Variants in C1orf21 observed in about 807,000 individuals in gnomAD.
The protein encoded by C1orf21 is uncharacterized protein C1orf21.
C1orf21 carries 3 observed loss-of-function variants against 18.7 expected under a neutral mutation model. The observed-to-expected ratio is 0.16, with a 90% CI of 0.07 to 0.42. C1orf21 has a LOEUF of 0.42. C1orf21 is among the 10% of genes least tolerant of loss of function. C1orf21 has a pLI of 0.99. For synonymous variants in C1orf21, 41 were observed against 46.4 expected, an observed-to-expected ratio of 0.88 and a Z score of 0.47; for missense variants, 104 against 143.6, an observed-to-expected ratio of 0.72 and a Z score of 1.41.
chr1:184,401,765 G>T, intron 1 of C1orf21, among the ~76,000 whole-genome samples: 1 of 145,320 alleles, frequency 6.9e-6, no homozygotes. Context: ...ATATTTAGTA[G>T]ATACATTTAC....
At chr1:184,411,895 A>G (rs570574338) in intron 1 of C1orf21, 4 of 152,360 alleles carry the variant, frequency 2.6e-5, no homozygotes, top group Admixed American at 2.0e-4. Context: ...ACCTAAAATT[A>G]TGCAGAGATG....
Position 184,620,913 on chromosome 1 carries a change from G to A in C1orf21, c.*1357G>A, listed in dbSNP as rs534855850. 8 of 152,624 alleles carry A rather than the reference G, an allele frequency of 5.2e-5. No homozygotes were observed. In the South Asian group the frequency reaches 1.7e-3, roughly 32 times the overall value. The allele number at this position is 152,624 out of a possible 1,614,324, so 9.5% of individuals were successfully genotyped here. On this transcript the variant is annotated 3_prime_UTR_variant, in exon 6 of 6. Coordinates refer to ENST00000235307, the MANE Select transcript of C1orf21 (RefSeq NM_030806.4). ...AATGTGTTTGATAGCTTTGACGAGGGTTCTCTTTGTTACTTTCAGGGGAGG... is the reference window on the plus strand; with the variant it reads ...AATGTGTTTGATAGCTTTGACGAGGATTCTCTTTGTTACTTTCAGGGGAGG...
chr1:184,418,202 C>T (rs1404853258), intron 1 of C1orf21, among the ~76,000 whole-genome samples: 1 of 150,606 alleles, frequency 6.6e-6, no homozygotes, highest in Non-Finnish European at 1.5e-5. Context: ...GAAAGAACCT[C>T]CAATAGAGTT....
rs190085063 is a variant in C1orf21, at chr1:184,453,629, T to A, written c.-124-23757T>A. Among the ~76,000 whole-genome samples the A allele has an allele frequency of 5.6e-4, 85 of 152,170 alleles. No individual in the cohort carries two copies. The East Asian group carries it at 0.016, about 28-fold the overall frequency. ...CTTGATACTGCCACCTATTTTAGTT[T>A]GTAATCTCTGAAGATATCTAGACCA... On this transcript the variant is annotated intron_variant, in intron 1 of 5. Transcript: ENST00000235307.
At chr1:184,515,856 C>A (rs1658216627) in intron 3 of C1orf21, among the ~76,000 whole-genome samples, 1 of 152,150 alleles carries the variant, frequency 6.6e-6, no homozygotes, top group South Asian at 2.1e-4. Context: ...TCTTGTCCCC[C>A]AGGCCGGAGT....
At chr1:184,548,101 G>T (rs1658752682) in intron 3 of C1orf21, among the ~76,000 whole-genome samples, 1 of 152,014 alleles carries the variant, frequency 6.6e-6, no homozygotes, top group South Asian at 2.1e-4. Flanking sequence ...ATACCTTCTG[G>T]TACCCTAGGC....
At chr1:184,494,665 C>T (rs1442467514) in intron 2 of C1orf21, among the ~76,000 whole-genome samples, 1 of 152,018 alleles carries the variant, frequency 6.6e-6, no homozygotes, top group Admixed American at 6.6e-5. Flanking sequence ...AATACAAGCT[C>T]CTCTTTAGTG....
intron 1 of C1orf21, among the ~76,000 whole-genome samples, chr1:184,442,766 G>A (rs1015707177): frequency 3.9e-5 from 6 of 151,962 alleles, no homozygotes; most frequent in Non-Finnish European, 8.8e-5. Context: ...CATCTTCCTG[G>A]ATACATTCTG....
intron 3 of C1orf21, among the ~76,000 whole-genome samples, chr1:184,579,856 A>T (rs539202253): frequency 1.3e-5 from 2 of 152,220 alleles, no homozygotes; most frequent in African/African-American, 2.4e-5. Flanking sequence ...AAGATTTTTT[A>T]AAATTAGAAA....
chr1:184,496,770 G>GC (rs1657900626), intron 2 of C1orf21, among the ~76,000 whole-genome samples: 1 of 152,158 alleles, frequency 6.6e-6, no homozygotes, highest in Non-Finnish European at 1.5e-5. Flanking sequence ...TTTACGTTTG[G>GC]CTTGTTTATA....
chr1:184,486,988 G>A (rs1394275196), intron 2 of C1orf21, among the ~76,000 whole-genome samples: 1 of 152,226 alleles, frequency 6.6e-6, no homozygotes, highest in Non-Finnish European at 1.5e-5. Flanking sequence ...TGGCCCTCTG[G>A]CACCATTCAG....
At chr1:184,436,945 G>A (rs1327850159) in intron 1 of C1orf21, among the ~76,000 whole-genome samples, 1 of 152,104 alleles carries the variant, frequency 6.6e-6, no homozygotes, top group Admixed American at 6.5e-5. Flanking sequence ...CGGCGGGTTG[G>A]GGGGTACTTT....
chr1:184,535,878 A>G (rs12127674), intron 3 of C1orf21, among the ~76,000 whole-genome samples: 76,532 of 151,724 alleles, frequency 0.5, 19,573 homozygotes, highest in African/African-American at 0.61. Flanking sequence ...TAAAACCTTC[A>G]AAATTTTCCA....
Position 184,624,585 on chromosome 1 carries a change from A to C in C1orf21, c.*5029A>C, listed in dbSNP as rs1659976599. On this transcript the variant is annotated 3_prime_UTR_variant, in exon 6 of 6. Coordinates refer to ENST00000235307, the MANE Select transcript of C1orf21 (RefSeq NM_030806.4). ...GATCTCCAAGCATGGAGGAAAGGCA[A>C]TGCCTGGACCACTGACTTGCATTGA... 1 of 152,180 alleles carries C rather than the reference A, an allele frequency of 6.6e-6. No individual in the cohort carries two copies. Among genetic ancestry groups the C allele is most frequent in the African/African-American group, 2.4e-5 (1 of 41,456 alleles). The allele number at this position is 152,180 out of a possible 1,614,324, so 9.4% of individuals were successfully genotyped here.
intron 3 of C1orf21, among the ~76,000 whole-genome samples, chr1:184,520,878 T>G (rs1006075003): frequency 6.6e-6 from 1 of 152,172 alleles, no homozygotes; most frequent in Non-Finnish European, 1.5e-5. Flanking sequence ...ATGCCTAATA[T>G]AAATAGAAAT....
intron 2 of C1orf21, among the ~76,000 whole-genome samples, chr1:184,502,956 T>C (rs1429505482): frequency 6.6e-6 from 1 of 151,440 alleles, no homozygotes; most frequent in Admixed American, 6.6e-5. Flanking sequence ...TGTGCACCTG[T>C]GGTCCCAGCT....
chr1:184,477,667 TA>T, intron 2 of C1orf21, 64 bp downstream of exon 2: 1 of 1,286,494 alleles, frequency 7.8e-7, no homozygotes, highest in South Asian at 1.3e-5. Context: ...TTTTTATTGA[TA>T]CATAATATTT....
chr1:184,447,626 C>T lies in C1orf21; in HGVS notation c.-124-29760C>T, dbSNP rs1042776478. 5.3e-5 allele frequency among the ~76,000 whole-genome samples: 8 copies of T among 152,194 alleles called. No individual in the cohort carries two copies. The South Asian group carries it at 1.0e-3, about 20-fold the overall frequency. On this transcript the variant is annotated intron_variant, in intron 1 of 5. Transcript: ENST00000235307. ...ACTTTCTTCCTTACCTAAACATCTACATCTAAATATTCATCAAACTCTTGG... is the reference window on the plus strand; with the variant it reads ...ACTTTCTTCCTTACCTAAACATCTATATCTAAATATTCATCAAACTCTTGG...
intron 3 of C1orf21, among the ~76,000 whole-genome samples, chr1:184,559,501 T>A (rs1340448625): frequency 1.4e-5 from 1 of 72,612 alleles, no homozygotes; most frequent in Non-Finnish European, 2.6e-5. Flanking sequence ...CTTCCTTCCT[T>A]CCCCCCTTCC....
Sources: gnomAD v4.1 joint callset for allele counts (sites outside exome capture counted in the v4.1 genomes callset) on GRCh38, gnomAD v4.1.1 for gene constraint, MANE v1.5 for transcripts, NCBI Gene and HGNC (gene_info 2026-07-23, HGNC 2026-07-21) for gene names.